Variants in EIF2AK2 observed in about 807,000 individuals in gnomAD.
EIF2AK2 encodes the protein interferon-induced, double-stranded RNA-activated protein kinase.
A neutral mutation model predicts 70.5 loss-of-function variants in EIF2AK2; 40 were observed. The ratio of observed to expected loss-of-function variants is 0.57; its 90% CI spans 0.44 to 0.74. EIF2AK2 has a LOEUF of 0.74. Ranked by LOEUF, EIF2AK2 falls within the 30% of genes least tolerant of loss-of-function variation. The probability of loss-of-function intolerance (pLI) is 0.00; values close to 1 mark genes in which losing one functional copy is unlikely to be tolerated. For synonymous variants in EIF2AK2, 198 were observed against 220.9 expected, an observed-to-expected ratio of 0.90 and a Z score of 0.92; for missense variants, 555 against 644.3, an observed-to-expected ratio of 0.86 and a Z score of 1.50.
At chr2:37,123,161 CTG>C (rs1674615172) in intron 11 of EIF2AK2, among the ~76,000 whole-genome samples, 1 of 152,134 alleles carries the variant, frequency 6.6e-6, no homozygotes, top group South Asian at 2.1e-4. Context: ...GAGCAAGACT[CTG>C]TCTCAAAAAA....
rs769591587 is a variant in EIF2AK2, at chr2:37,141,645, C to T, written c.297G>A (p.Gly99=). 1.5e-5 allele frequency: 25 copies of T among 1,613,832 alleles called. No homozygotes were observed. Among genetic ancestry groups the T allele is most frequent in the Non-Finnish European group, 2.0e-5 (24 of 1,179,978 alleles). The change falls in exon 5 of 17, where the codon GGG becomes GGA. Residue 99 remains glycine, a synonymous_variant. Transcript: ENST00000233057. ...TTNSSEGLSM[G]NYIGLINRIA... is the part of the protein sequence containing the mutation. ...TTCTATTGATAAGGCCTATGTAATT[C>T]CCCATGGATAATCCTTCTGAAGAAT...
chr2:37,107,601 A>G, intron 15 of EIF2AK2, 74 bp from the exon 16 acceptor site: 1 of 1,476,316 alleles, frequency 6.8e-7, no homozygotes, highest in Non-Finnish European at 9.2e-7. Context: ...AAGGCTGAGG[A>G]ATACCTGAAA....
chr2:37,121,803 T>C (rs1674564273), intron 12 of EIF2AK2, among the ~76,000 whole-genome samples: 1 of 152,136 alleles, frequency 6.6e-6, no homozygotes, highest in Admixed American at 6.6e-5. Context: ...GATAATGTTC[T>C]CACTTACACG....
Position 37,102,405 on chromosome 2 carries a change from A to G in EIF2AK2, c.*4868T>C, listed in dbSNP as rs1247382345. 1 of 152,200 alleles carries G rather than the reference A, an allele frequency of 6.6e-6. No homozygotes were observed. Among genetic ancestry groups the G allele is most frequent in the Non-Finnish European group, 1.5e-5 (1 of 68,034 alleles). The allele number at this position is 152,200 out of a possible 1,614,324, so 9.4% of individuals were successfully genotyped here. On this transcript the variant is annotated 3_prime_UTR_variant, in exon 17 of 17. Coordinates refer to ENST00000233057, the MANE Select transcript of EIF2AK2 (RefSeq NM_001135651.3). The stretch of plus-strand genomic sequence containing the variant: ...TGTTTGAACATAAAGAAATGTATGA[A>G]TAATATTGAAATTATTCAATATTCC...
At chr2:37,113,139 G>T (rs1333895112) in intron 14 of EIF2AK2, among the ~76,000 whole-genome samples, 1 of 152,076 alleles carries the variant, frequency 6.6e-6, no homozygotes, top group East Asian at 1.9e-4. Context: ...TCATAATCTT[G>T]TAATAGAAGC....
chr2:37,118,672 T>G (rs1674430625), intron 13 of EIF2AK2, among the ~76,000 whole-genome samples: 1 of 152,220 alleles, frequency 6.6e-6, no homozygotes, highest in Admixed American at 6.5e-5. Context: ...TGTTCCACCT[T>G]CAAAGAACAA....
intron 12 of EIF2AK2, among the ~76,000 whole-genome samples, chr2:37,121,131 C>T (rs1230790171): frequency 1.3e-5 from 2 of 148,748 alleles, no homozygotes; most frequent in Non-Finnish European, 3.0e-5. Context: ...GGCGTGGTGG[C>T]GGGCGCCTGT....
At chr2:37,150,718 C>T (rs146981063) in intron 1 of EIF2AK2, among the ~76,000 whole-genome samples, 61 of 152,190 alleles carry the variant, frequency 4.0e-4, no homozygotes, top group African/African-American at 1.3e-3. Context: ...TCTCTTCTCC[C>T]CACGTATTCT....
chr2:37,154,320 C>T (rs920104884), intron 1 of EIF2AK2, among the ~76,000 whole-genome samples: 21 of 126,996 alleles, frequency 1.7e-4, no homozygotes, highest in African/African-American at 5.4e-4. Context: ...AGCGAAACTC[C>T]GTCTCAAAAA....
At chr2:37,117,211 CAAAA>C (rs534964659) in intron 13 of EIF2AK2, among the ~76,000 whole-genome samples, 1 of 44,224 alleles carries the variant, frequency 2.3e-5, no homozygotes. Flanking sequence ...GACTCTGTCT[CAAAA>C]AAAAAAAAAA....
chr2:37,138,210 A>C, intron 8 of EIF2AK2, 60 bp downstream of exon 8: 1 of 1,319,054 alleles, frequency 7.6e-7, no homozygotes, highest in South Asian at 1.3e-5. Flanking sequence ...AGTTATTTTT[A>C]AATGAGGAAA....
At position 37,148,923 on chromosome 2, in the gene EIF2AK2, C is replaced by G. The variant is rs1675650446; in HGVS notation, c.-83G>C. 1 of 820,702 alleles carries G rather than the reference C, an allele frequency of 1.2e-6. No individual in the cohort carries two copies. The highest frequency in any genetic ancestry group is 1.7e-5 in the African/African-American group (1 of 59,776). The allele number at this position is 820,702 out of a possible 1,614,324, so 50.8% of individuals were successfully genotyped here. A position where few individuals can be genotyped will look rare whatever the true frequency, so the allele number is the denominator to read the frequency against. On this transcript the variant is annotated 5_prime_UTR_variant, in exon 2 of 17. Transcript: ENST00000233057. Reference sequence around the variant, plus strand: ...GAAGTGTGGATGTTGATTCTGAAGACCGCCAGAGAAGCAAACCTGAGTCAG... The same window carrying G: ...GAAGTGTGGATGTTGATTCTGAAGAGCGCCAGAGAAGCAAACCTGAGTCAG...
intron 4 of EIF2AK2, 121 bp from the exon 5 acceptor site, chr2:37,141,822 T>C: frequency 9.1e-7 from 1 of 1,093,638 alleles, no homozygotes; most frequent in Non-Finnish European, 1.3e-6. Context: ...ATGTTATATA[T>C]TTTCCTATTA....
At chr2:37,133,646 CTT>C (rs1445349974) in intron 10 of EIF2AK2, among the ~76,000 whole-genome samples, 1 of 152,224 alleles carries the variant, frequency 6.6e-6, no homozygotes, top group South Asian at 2.1e-4. Context: ...TTCAGCCTCT[CTT>C]GTGTCTCCAC....
Position 37,107,411 on chromosome 2 carries a change from G to A in EIF2AK2, c.1534-16C>T. ...GAAGAGTTTTCTGCAATGACAGTGA[G>A]AGTCAATAGTAAGAAATAAAACATT... On this transcript the variant is annotated splice_polypyrimidine_tract_variant and intron_variant, in intron 16 of 16. Coordinates refer to ENST00000233057, the MANE Select transcript of EIF2AK2 (RefSeq NM_001135651.3). The A allele has an allele frequency of 6.2e-7, 1 of 1,611,528 alleles. No individual in the cohort carries two copies. The highest frequency in any genetic ancestry group is 8.5e-7 in the Non-Finnish European group (1 of 1,179,480).
intron 5 of EIF2AK2, among the ~76,000 whole-genome samples, chr2:37,140,492 C>T (rs544179771): frequency 6.2e-4 from 94 of 152,194 alleles, no homozygotes; most frequent in African/African-American, 2.1e-3. Context: ...TGGAAGCCAT[C>T]GAGAGAAACA....
At chr2:37,127,298 C>T (rs559750574) in intron 10 of EIF2AK2, among the ~76,000 whole-genome samples, 3 of 152,292 alleles carry the variant, frequency 2.0e-5, no homozygotes, top group South Asian at 4.2e-4. Context: ...ATCCCCACTT[C>T]CTCTCTTCCC....
At position 37,102,490 on chromosome 2, in the gene EIF2AK2, C is replaced by T. The variant is rs1199800686; in HGVS notation, c.*4783G>A. 1 of 151,948 alleles carries T rather than the reference C, an allele frequency of 6.6e-6. No homozygotes were observed. Among genetic ancestry groups the T allele is most frequent in the Non-Finnish European group, 1.5e-5 (1 of 68,016 alleles). The allele number at this position is 151,948 out of a possible 1,614,324, so 9.4% of individuals were successfully genotyped here. A position where few individuals can be genotyped will look rare whatever the true frequency, so the allele number is the denominator to read the frequency against. ...TATGGTGAACACTCAGTGGGGACTGCATATTGTGAGTTATGTCTCTAGTTA... is the reference window on the plus strand; with the variant it reads ...TATGGTGAACACTCAGTGGGGACTGTATATTGTGAGTTATGTCTCTAGTTA... On this transcript the variant is annotated 3_prime_UTR_variant, in exon 17 of 17. Coordinates refer to ENST00000233057, the MANE Select transcript of EIF2AK2 (RefSeq NM_001135651.3).
intron 5 of EIF2AK2, among the ~76,000 whole-genome samples, chr2:37,140,328 G>C (rs903907638): frequency 6.6e-6 from 1 of 152,176 alleles, no homozygotes; most frequent in Admixed American, 6.5e-5. Flanking sequence ...TTAGATGTAA[G>C]GACATTTGTG....
Sources: allele counts gnomAD v4.1 joint callset (sites outside exome capture counted in the v4.1 genomes callset), GRCh38; gene constraint gnomAD v4.1.1; transcripts MANE v1.5; gene names NCBI Gene and HGNC (gene_info 2026-07-23, HGNC 2026-07-21).